The following ABL1 variants were observed in gnomAD, a reference collection of about 807,000 sequenced individuals.
ABL1 encodes the protein tyrosine-protein kinase ABL1.
ABL1 carries 11 observed loss-of-function variants against 94.7 expected under a neutral mutation model. That is an observed-to-expected ratio of 0.12 (90% CI 0.07 to 0.19). ABL1 has a LOEUF of 0.19. Ranked by LOEUF, ABL1 falls within the 10% of genes least tolerant of loss-of-function variation. The pLI, the probability that ABL1 is intolerant of heterozygous loss-of-function variation, is 1.00. For missense variants in ABL1, 1,082 were observed against 1,489.4 expected (o/e 0.73, Z 4.50); for synonymous variants, 656 against 622.4 (o/e 1.05, Z -0.80).
intron 1 of ABL1, among the ~76,000 whole-genome samples, chr9:130,799,860 T>G (rs1454785772): frequency 6.6e-6 from 1 of 151,484 alleles, no homozygotes; most frequent in Non-Finnish European, 1.5e-5. Flanking sequence ...TTATAAATTT[T>G]GGGATATTTA....
In ABL1 at chr9:130,814,924, T is replaced by A. The variant is rs1026574964; in HGVS notation, c.137-39140T>A. On this transcript the variant is annotated intron_variant, in intron 1 of 10. Transcript: ENST00000372348. This position sits in a 1 kb window ranked among gnomAD's most constrained non-coding sequence, Gnocchi z 4.4. ...ATAAAGTTTAGTAAAATAAAAAAAA[T>A]CAGTAAAATACAAATAAAATTTAGT... Among the ~76,000 whole-genome samples the A allele has an allele frequency of 6.6e-6, 1 of 151,852 alleles. No individual in the cohort carries two copies. Among genetic ancestry groups the A allele is most frequent in the Non-Finnish European group, 1.5e-5 (1 of 67,970 alleles).
chr9:130,854,212 A>G lies in ABL1; in HGVS notation c.228A>G (p.Gly76=), dbSNP rs1328785342. Residue 76 remains glycine (G), a synonymous_variant, in exon 2 of 11, where the codon GGA becomes GGG. Transcript: ENST00000318560. ...FVALYDFVAS[G]DNTLSITKGE... is the part of the protein sequence containing the mutation. ...CACTGTATGATTTTGTGGCCAGTGG[A>G]GATAACACTCTAAGCATAACTAAAG... is the stretch of plus-strand genomic sequence containing the variant. 6.2e-7 allele frequency: 1 copy of G among 1,613,964 alleles called. No individual in the cohort carries two copies. The highest frequency in any genetic ancestry group is 1.3e-5 in the African/African-American group (1 of 74,892).
exon 1 of ABL1, chr9:130,714,177 C>G: frequency 1.3e-6 from 1 of 776,824 alleles, no homozygotes; most frequent in Non-Finnish European, 1.8e-6. Context: ...TGGAAGATGT[C>G]TTTCTGTGAT....
chr9:130,724,057 G>A (rs1453184962), intron 1 of ABL1, among the ~76,000 whole-genome samples: 2 of 152,028 alleles, frequency 1.3e-5, no homozygotes, highest in Non-Finnish European at 2.9e-5. Context: ...TTATCCACCT[G>A]CCTTGGCCTT....
intron 1 of ABL1, among the ~76,000 whole-genome samples, chr9:130,792,365 G>A (rs1829921467): frequency 6.6e-6 from 1 of 152,166 alleles, no homozygotes; most frequent in Admixed American, 6.5e-5. Context: ...TAACATAAGT[G>A]AGTCTTGGCA....
intron 1 of ABL1, among the ~76,000 whole-genome samples, chr9:130,779,820 G>A (rs1564287939): frequency 6.6e-6 from 1 of 152,184 alleles, no homozygotes; most frequent in Non-Finnish European, 1.5e-5. Context: ...ATATGGTGAA[G>A]TTGCATCTGA....
chr9:130,864,614 A>G (rs1489295265), intron 4 of ABL1, among the ~76,000 whole-genome samples: 1 of 152,224 alleles, frequency 6.6e-6, no homozygotes, highest in Non-Finnish European at 1.5e-5. Context: ...CCTGGGCTCA[A>G]CACTGGATTA....
intron 1 of ABL1, among the ~76,000 whole-genome samples, chr9:130,813,804 A>T (rs888123260): frequency 6.6e-6 from 1 of 152,188 alleles, no homozygotes; most frequent in African/African-American, 2.4e-5. Context: ...TATAGTGCAG[A>T]TGGTCCCTGA....
chr9:130,779,698 C>A (rs1210462536), intron 1 of ABL1, among the ~76,000 whole-genome samples: 1 of 152,118 alleles, frequency 6.6e-6, no homozygotes, highest in Non-Finnish European at 1.5e-5. Context: ...ACACAGCAAA[C>A]CTATATGCCA....
rs752870729 is a variant in ABL1 at position 130,880,536 on chromosome 9, G to A, written c.1550G>A (p.Gly517Glu). The A allele has an allele frequency of 9.9e-6, 16 of 1,613,916 alleles. No individual in the cohort carries two copies. The highest frequency in any genetic ancestry group is 2.2e-5 in the East Asian group (1 of 44,876). Residue 517 changes from glycine (G) to glutamate (E), a missense_variant, in exon 10 of 11, where the codon GGG becomes GAG. Gly to Glu is a moderately conservative substitution (Grantham distance 98). Transcript: ENST00000318560. The surrounding 1 kb of genome is among the most constrained non-coding windows in gnomAD (Gnocchi z 4.4). ...EKELGKQGVRGAVSTLLQAPE... is the reference protein window; with the variant it reads ...EKELGKQGVREAVSTLLQAPE... ...GAGCTGGGGAAACAAGGCGTCCGTGGGGCTGTGAGTACCTTGCTGCAGGCC... is the reference window on the plus strand; with the variant it reads ...GAGCTGGGGAAACAAGGCGTCCGTGAGGCTGTGAGTACCTTGCTGCAGGCC...
chr9:130,846,126 T>C (rs890516760), intron 1 of ABL1, among the ~76,000 whole-genome samples: 1 of 152,138 alleles, frequency 6.6e-6, no homozygotes, highest in African/African-American at 2.4e-5. Flanking sequence ...TGTGTGTGTG[T>C]TTTAATAATT....
rs539421095 is a variant in ABL1 at position 130,871,188 on chromosome 9, T to G, written c.823-941T>G. 3.9e-5 allele frequency among the ~76,000 whole-genome samples: 6 copies of G among 152,310 alleles called. No homozygotes were observed. The South Asian group carries it at 1.2e-3, about 32-fold the overall frequency. ...AGGTTTTCGCAGCAAACAGACCATA[T>G]CATTTAACACCCACCTGCTTCTTGT... On this transcript the variant is annotated intron_variant, in intron 4 of 10. Transcript: ENST00000318560.
In ABL1 at chr9:130,885,859, AC is replaced by A. The variant is rs556981172; in HGVS notation, c.*178del. On this transcript the variant is annotated 3_prime_UTR_variant, in exon 11 of 11. Transcript: ENST00000318560. ...GTCCAGCTCTACTACCTACGTTTGC[AC>A]CGCCTGCCCTCCCGCACCTTCCTCC... The A allele has an allele frequency of 3.7e-6, 3 of 800,320 alleles. No individual in the cohort carries two copies. The highest frequency in any genetic ancestry group is 3.0e-5 in the Admixed American group (1 of 32,788). 49.6% of individuals were successfully genotyped at this position (800,320 alleles called of 1,614,324 possible). A position where few individuals can be genotyped will look rare whatever the true frequency, so the allele number is the denominator to read the frequency against.
chr9:130,868,604 A>G (rs1028507141), intron 4 of ABL1, among the ~76,000 whole-genome samples: 1 of 146,014 alleles, frequency 6.8e-6, no homozygotes, highest in South Asian at 2.2e-4. Context: ...GTTCACTGCA[A>G]CGGCCTCCCA....
At position 130,880,806 on chromosome 9, in the gene ABL1, G is replaced by C. The variant is rs1439421912; in HGVS notation, c.1678+142G>C. On this transcript the variant is annotated intron_variant, in intron 10 of 10. Coordinates refer to ENST00000318560, the MANE Select transcript of ABL1 (RefSeq NM_005157.6). The surrounding 1 kb of genome is among the most constrained non-coding windows in gnomAD (Gnocchi z 4.4). ...TGGCCTTTGTCAATGGTTCAGCTTCGGAAGGAGGAAGGTTCTCCTCTCCCC... is the reference window on the plus strand; with the variant it reads ...TGGCCTTTGTCAATGGTTCAGCTTCCGAAGGAGGAAGGTTCTCCTCTCCCC... The C allele has an allele frequency of 1.9e-6, 2 of 1,053,876 alleles. No homozygotes were observed. The highest frequency in any genetic ancestry group is 1.7e-5 in the South Asian group (1 of 59,834). The allele number at this position is 1,053,876 out of a possible 1,614,324, so 65.3% of individuals were successfully genotyped here.
intron 7 of ABL1, among the ~76,000 whole-genome samples, chr9:130,876,411 CTTT>C (rs60634610): frequency 7.0e-6 from 1 of 142,490 alleles, no homozygotes; most frequent in Non-Finnish European, 1.5e-5. Flanking sequence ...ATTACTTTTT[CTTT>C]TTTTTTTTTG....
chr9:130,779,919 A>C (rs1419623151), intron 1 of ABL1, among the ~76,000 whole-genome samples: 1 of 152,148 alleles, frequency 6.6e-6, no homozygotes, highest in Non-Finnish European at 1.5e-5. Context: ...GTATTAATAG[A>C]GCCACTCTGC....
chr9:130,760,292 G>T (rs958805077), intron 1 of ABL1, among the ~76,000 whole-genome samples: 10 of 152,074 alleles, frequency 6.6e-5, no homozygotes, highest in African/African-American at 2.4e-4. Flanking sequence ...TTTAGTGTAG[G>T]ACTTCTCTAT....
chr9:130,750,200 T>C (rs1277920989), intron 1 of ABL1, among the ~76,000 whole-genome samples: 32 of 20,638 alleles, frequency 1.6e-3, no homozygotes, highest in Non-Finnish European at 1.9e-3. Flanking sequence ...TACATATATA[T>C]ATATATATAT....
Sources: gnomAD v4.1 joint callset for allele counts (sites outside exome capture counted in the v4.1 genomes callset) on GRCh38, gnomAD v4.1.1 for gene constraint, Gnocchi (gnomAD v3.1) non-coding constraint, MANE v1.5 for transcripts, NCBI Gene and HGNC (gene_info 2026-07-23, HGNC 2026-07-21) for gene names.